Variants in REPS2 observed in about 807,000 individuals in gnomAD.
The protein encoded by REPS2 is ralBP1-associated Eps domain-containing protein 2.
In REPS2, 23 loss-of-function variants were observed where a neutral mutation model predicts 53.6. The ratio of observed to expected loss-of-function variants is 0.43; its 90% CI spans 0.31 to 0.61. The LOEUF (loss-of-function observed/expected upper bound fraction) is 0.61, where lower values mean the gene tolerates loss of function less well. Ranked by LOEUF, REPS2 falls within the 20% of genes least tolerant of loss-of-function variation. The pLI, the probability that REPS2 is intolerant of heterozygous loss-of-function variation, is 0.11. For missense variants in REPS2, 446 were observed against 534.9 expected, an observed-to-expected ratio of 0.83 and a Z score of 1.64; for synonymous variants, 238 against 218.6, an observed-to-expected ratio of 1.09 and a Z score of -0.78.
intron 2 of REPS2, among the ~76,000 whole-genome samples, chrX:17,011,840 T>TA (rs1280386674): frequency 2.1e-4 from 23 of 109,595 alleles, no homozygotes; most frequent in Admixed American, 1.9e-3. Flanking sequence ...CACATGCCTG[T>TA]AATCCCTGCT....
intron 13 of REPS2, among the ~76,000 whole-genome samples, chrX:17,101,179 A>G (rs1471627152): frequency 3.8e-5 from 4 of 106,143 alleles, no homozygotes; most frequent in African/African-American, 1.0e-4. Context: ...TCAGCCTCCC[A>G]AATAGCTGGG....
At chrX:16,963,476 C>T (rs1019077599) in intron 1 of REPS2, among the ~76,000 whole-genome samples, 1 of 112,656 alleles carries the variant, frequency 8.9e-6, no homozygotes, top group Non-Finnish European at 1.9e-5. Context: ...GAATGTATAG[C>T]AGGCTGCTTT....
intron 5 of REPS2, among the ~76,000 whole-genome samples, chrX:17,030,859 G>A (rs182638424): frequency 8.9e-6 from 1 of 111,884 alleles, no homozygotes; most frequent in African/African-American, 3.2e-5. Context: ...TCATTACTTT[G>A]TCCTACATTA....
chrX:17,077,447 T>G (rs200414987), intron 13 of REPS2, 40 bp downstream of exon 13: 11 of 1,146,250 alleles, frequency 9.6e-6, no homozygotes, highest in Non-Finnish European at 1.2e-6. Flanking sequence ...CCATTTCCTG[T>G]TGGAGCCAGC....
the REPS2 span, among the ~76,000 whole-genome samples, chrX:17,161,177 G>A: frequency 9.0e-6 from 1 of 111,384 alleles, no homozygotes; most frequent in Admixed American, 9.6e-5. Context: ...GGGGCCACCA[G>A]AGGGCAGACT....
At chrX:17,014,883 T>G (rs1232726280) in intron 2 of REPS2, among the ~76,000 whole-genome samples, 1 of 113,113 alleles carries the variant, frequency 8.8e-6, no homozygotes, top group East Asian at 2.8e-4. Flanking sequence ...CACAGTTTCA[T>G]GCTAAATGTT....
chrX:17,100,499 C>G (rs2062775825), intron 13 of REPS2, among the ~76,000 whole-genome samples: 1 of 112,324 alleles, frequency 8.9e-6, no homozygotes, highest in Non-Finnish European at 1.9e-5. Flanking sequence ...TGGCCCTCCT[C>G]TCAGCCGAAC....
chrX:17,181,086 C>T, the REPS2 span, among the ~76,000 whole-genome samples: 1 of 112,413 alleles, frequency 8.9e-6, no homozygotes, highest in Non-Finnish European at 1.9e-5. Flanking sequence ...GGACATAGTA[C>T]CTGGACTTCT....
chrX:16,964,604 C>T (rs1305286221), intron 1 of REPS2, among the ~76,000 whole-genome samples: 7 of 101,235 alleles, frequency 6.9e-5, no homozygotes, highest in African/African-American at 2.2e-4. Context: ...CAGTAGGTGC[C>T]GCCGGGCAGA....
chrX:17,001,436 C>G (rs934620921), intron 1 of REPS2, among the ~76,000 whole-genome samples: 1 of 112,224 alleles, frequency 8.9e-6, no homozygotes, highest in Non-Finnish European at 1.9e-5. Flanking sequence ...AATGTAATCA[C>G]AATAAAACAG....
At chrX:17,012,440 CA>C (rs750682957) in intron 2 of REPS2, among the ~76,000 whole-genome samples, 1 of 111,471 alleles carries the variant, frequency 9.0e-6, no homozygotes, top group East Asian at 2.8e-4. Context: ...TGATAGGTGA[CA>C]AAGTTACCGG....
rs747701805 is a variant in REPS2 at position 17,148,898 on chromosome X, G to A, written c.*1417G>A. 72 of 372,459 alleles carry A rather than the reference G, an allele frequency of 1.9e-4. No individual in the cohort carries two copies. Among genetic ancestry groups the A allele is most frequent in the Admixed American group, 1.8e-3 (72 of 39,131 alleles). 30.7% of individuals were successfully genotyped at this position (372,459 alleles called of 1,213,427 possible). A position where few individuals can be genotyped will look rare whatever the true frequency, so the allele number is the denominator to read the frequency against. ...GGTCTTTTTGAAGCAGTTTTGGATA[G>A]GTTTGCAATATGTGGGATTCAGCCT... is the stretch of plus-strand genomic sequence containing the variant. On this transcript the variant is annotated 3_prime_UTR_variant, in exon 18 of 18. Transcript: ENST00000357277.
At chrX:17,103,169 C>A (rs1302985645) in intron 13 of REPS2, among the ~76,000 whole-genome samples, 1 of 111,653 alleles carries the variant, frequency 9.0e-6, no homozygotes, top group Non-Finnish European at 1.9e-5. Context: ...AAATTGAGGT[C>A]TTTGAAGAAT....
intron 13 of REPS2, chrX:17,099,708 A>C (rs1269347793): frequency 8.3e-6 from 4 of 479,215 alleles, no homozygotes; most frequent in Non-Finnish European, 1.5e-5. Context: ...TGTCAAGACA[A>C]GTAGAACTTC....
At chrX:17,103,072 A>G (rs1192564352) in intron 13 of REPS2, among the ~76,000 whole-genome samples, 1 of 112,520 alleles carries the variant, frequency 8.9e-6, no homozygotes, top group East Asian at 2.8e-4. Context: ...TTAGACTGAT[A>G]CTTTGTAAAG....
At chrX:17,002,973 A>G (rs1323349489) in intron 1 of REPS2, among the ~76,000 whole-genome samples, 1 of 112,165 alleles carries the variant, frequency 8.9e-6, no homozygotes. Flanking sequence ...AAGTAATAAA[A>G]ATGGAGGGGA....
At position 17,147,478 on chromosome X, in the gene REPS2, G is replaced by GT. The variant is rs1386376759; in HGVS notation, c.1981dup (p.Ter661LeufsTer8). ...AACAACTTCGTCCGGTCACTGTGTT[G>GT]TGACCCCCCCATGGTTCAAGTGACA... On this transcript the variant is annotated frameshift_variant, in exon 18 of 18. Transcript: ENST00000357277. LOFTEE classifies it high-confidence loss of function. 7 of 1,197,366 alleles carry GT rather than the reference G, an allele frequency of 5.8e-6. No homozygotes were observed. The South Asian group carries it at 1.3e-4, about 22-fold the overall frequency.
Position 17,004,750 on chromosome X carries a change from C to T in REPS2, c.274-1471C>T, listed in dbSNP as rs557850605. On this transcript the variant is annotated intron_variant, in intron 1 of 17. Transcript: ENST00000357277. ...CAGTTACCTGTAGTAAAGAGCTTTCCAGTTCCATGTGGTAGTTATGGTAAA... is the reference window on the plus strand; with the variant it reads ...CAGTTACCTGTAGTAAAGAGCTTTCTAGTTCCATGTGGTAGTTATGGTAAA... Among the ~76,000 whole-genome samples, 3 of 112,105 alleles carry T rather than the reference C, an allele frequency of 2.7e-5. No homozygotes were observed. The South Asian group carries it at 1.1e-3, about 41-fold the overall frequency.
At chrX:17,081,490 T>G (rs988417220) in intron 13 of REPS2, among the ~76,000 whole-genome samples, 1 of 112,499 alleles carries the variant, frequency 8.9e-6, no homozygotes, top group Non-Finnish European at 1.9e-5. Context: ...TGAAAATAGG[T>G]AACATGATAT....
Sources: allele counts gnomAD v4.1 joint callset (sites outside exome capture counted in the v4.1 genomes callset), GRCh38; gene constraint gnomAD v4.1.1; transcripts MANE v1.5; gene names NCBI Gene and HGNC (gene_info 2026-07-23, HGNC 2026-07-21).